PEX7: variants seen among roughly 807,000 people sequenced by gnomAD.
PEX7 encodes peroxisomal biogenesis factor 7.
In PEX7, 34 loss-of-function variants were observed where a neutral mutation model predicts 47.5. That is an observed-to-expected ratio of 0.72 (90% CI 0.54 to 0.95). The LOEUF is 0.95. Among genes scored for constraint, PEX7 ranks in the 40% least tolerant of loss-of-function variants. The probability of loss-of-function intolerance (pLI) is 0.00; values close to 1 mark genes in which losing one functional copy is unlikely to be tolerated. For synonymous variants in PEX7, 141 were observed against 148.8 expected (o/e 0.95, Z 0.38); for missense variants, 394 against 400.3 (o/e 0.98, Z 0.13).
intron 5 of PEX7, among the ~76,000 whole-genome samples, chr6:136,861,788 A>C (rs1052295498): frequency 3.3e-5 from 5 of 150,872 alleles, no homozygotes; most frequent in African/African-American, 1.2e-4. Context: ...ACTTTTCTCT[A>C]CTTGTTGACT....
At chr6:136,850,917 GTTTTTTTTT>G (rs35220728) in intron 5 of PEX7, among the ~76,000 whole-genome samples, 5 of 69,168 alleles carry the variant, frequency 7.2e-5, no homozygotes, top group Non-Finnish European at 1.3e-4. Flanking sequence ...AAAACTGATG[GTTTTTTTTT>G]TTTTTTTTTT....
chr6:136,858,087 G>A (rs764166905), intron 5 of PEX7, among the ~76,000 whole-genome samples: 1 of 152,346 alleles, frequency 6.6e-6, no homozygotes, highest in Non-Finnish European at 1.5e-5. Flanking sequence ...AAAGTGCTGG[G>A]ATTACAGGCA....
At position 136,890,597 on chromosome 6, in the gene PEX7, T is replaced by A. The variant is rs796803220; in HGVS notation, c.804-7545T>A. 1.1e-4 allele frequency among the ~76,000 whole-genome samples: 16 copies of A among 152,302 alleles called. No individual in the cohort carries two copies. In the East Asian group the frequency reaches 2.3e-3, roughly 22 times the overall value. On this transcript the variant is annotated intron_variant, in intron 8 of 9. Transcript: ENST00000318471. ...CACCCCCATCACCGTGTCCACCCTC[T>A]GCTGAGGAGAGAGTTGTTAAATAAA...
intron 9 of PEX7, among the ~76,000 whole-genome samples, chr6:136,911,978 A>G (rs1295762256): frequency 1.3e-5 from 2 of 152,170 alleles, no homozygotes; most frequent in African/African-American, 2.4e-5. Context: ...AATTTTAGCC[A>G]TAATGTGAAT....
chr6:136,872,093 A>T, intron 7 of PEX7, 105 bp from the exon 8 acceptor site: 20 of 944,248 alleles, frequency 2.1e-5, no homozygotes, highest in Middle Eastern at 2.7e-4. Context: ...GACAGCTCTG[A>T]CTCAACTTAA....
In PEX7 at chr6:136,822,937, TG is replaced by T. The variant is rs975843545; in HGVS notation, c.130+144del. The T allele has an allele frequency of 2.8e-5, 34 of 1,208,998 alleles. No homozygotes were observed. In the African/African-American group the frequency reaches 4.9e-4, roughly 18 times the overall value. 74.9% of individuals were successfully genotyped at this position (1,208,998 alleles called of 1,614,324 possible). On this transcript the variant is annotated intron_variant, in intron 1 of 9. Transcript: ENST00000318471. ...CCACGCCAGGGGGCAGAAGAGGCGC[TG>T]GTCGGCGCTTCTCCTTTCTTTGCCG...
intron 9 of PEX7, among the ~76,000 whole-genome samples, chr6:136,909,342 A>C (rs1290040756): frequency 6.6e-6 from 1 of 152,164 alleles, no homozygotes; most frequent in Non-Finnish European, 1.5e-5. Context: ...TATCCTTCAA[A>C]TCCCATAAAA....
At chr6:136,870,340 G>GTTGAAA (rs1775151533) in intron 7 of PEX7, among the ~76,000 whole-genome samples, 1 of 151,920 alleles carries the variant, frequency 6.6e-6, no homozygotes. Flanking sequence ...TTTCTAATTA[G>GTTGAAA]CGAGAGTCTC....
At chr6:136,845,921 A>G (rs960558277) in intron 4 of PEX7, 152 bp from the exon 5 acceptor site, 13 of 671,526 alleles carry the variant, frequency 1.9e-5, no homozygotes, top group African/African-American at 7.2e-5. Flanking sequence ...GTCTTGCTTT[A>G]TATCAAAACA....
intron 5 of PEX7, among the ~76,000 whole-genome samples, chr6:136,861,169 C>T (rs1429641190): frequency 6.6e-6 from 1 of 152,176 alleles, no homozygotes; most frequent in Non-Finnish European, 1.5e-5. Context: ...ATTGTAGCCT[C>T]TGCCTCCTAG....
chr6:136,852,273 C>T lies in PEX7; in HGVS notation c.526+6092C>T, dbSNP rs574062333. On this transcript the variant is annotated intron_variant, in intron 5 of 9. Coordinates refer to ENST00000318471, the MANE Select transcript of PEX7 (RefSeq NM_000288.4). ...ACAAGACAGGGATGCCCTCTCTCAC[C>T]GCTCCTATTCAACATAGTGTTGGAA... 2.0e-4 allele frequency among the ~76,000 whole-genome samples: 30 copies of T among 151,560 alleles called. No individual in the cohort carries two copies. The East Asian group carries it at 4.3e-3, about 22-fold the overall frequency.
At chr6:136,848,052 G>T (rs1265652861) in intron 5 of PEX7, among the ~76,000 whole-genome samples, 1 of 152,036 alleles carries the variant, frequency 6.6e-6, no homozygotes, top group Non-Finnish European at 1.5e-5. Context: ...CCTTGAAGAG[G>T]TCCTTCACAT....
chr6:136,898,549 C>T (rs1266422447), intron 9 of PEX7, among the ~76,000 whole-genome samples: 1 of 152,140 alleles, frequency 6.6e-6, no homozygotes, highest in Non-Finnish European at 1.5e-5. Context: ...GCAGGATTGT[C>T]GCCACGGGTT....
At chr6:136,906,677 T>A (rs1207248554) in intron 9 of PEX7, among the ~76,000 whole-genome samples, 1 of 152,214 alleles carries the variant, frequency 6.6e-6, no homozygotes, top group African/African-American at 2.4e-5. Context: ...TGTCCCTTTT[T>A]TAAGGCATTT....
At chr6:136,896,921 C>G (rs991518585) in intron 8 of PEX7, among the ~76,000 whole-genome samples, 2 of 152,102 alleles carry the variant, frequency 1.3e-5, no homozygotes, top group Non-Finnish European at 2.9e-5. Context: ...CTCTAGAATT[C>G]AAAGAAACAA....
At chr6:136,849,077 T>A (rs1180751760) in intron 5 of PEX7, among the ~76,000 whole-genome samples, 3 of 152,216 alleles carry the variant, frequency 2.0e-5, no homozygotes, top group Non-Finnish European at 4.4e-5. Context: ...GGTTTAGTCT[T>A]GGGAGGGTGT....
intron 8 of PEX7, among the ~76,000 whole-genome samples, chr6:136,882,175 C>CAT (rs772447335): frequency 4.8e-5 from 5 of 104,310 alleles, no homozygotes; most frequent in Non-Finnish European, 9.6e-5. Flanking sequence ...TCTTCTTCTT[C>CAT]TTTTTTTTTT....
chr6:136,906,770 G>A (rs1393030575), intron 9 of PEX7, among the ~76,000 whole-genome samples: 1 of 152,110 alleles, frequency 6.6e-6, no homozygotes, highest in Non-Finnish European at 1.5e-5. Context: ...CTCCTGTGAT[G>A]CTTTTAAACC....
intron 1 of PEX7, 98 bp downstream of exon 1, chr6:136,822,893 C>T (rs1317609208): frequency 1.6e-6 from 2 of 1,217,498 alleles, no homozygotes; most frequent in Non-Finnish European, 2.0e-6. Flanking sequence ...CCCCTCTGAG[C>T]GTAGACGGTT....
Sources: gnomAD v4.1 joint callset for allele counts (sites outside exome capture counted in the v4.1 genomes callset) on GRCh38, gnomAD v4.1.1 for gene constraint, MANE v1.5 for transcripts, NCBI Gene and HGNC (gene_info 2026-07-23, HGNC 2026-07-21) for gene names.